The following IQANK1 variants were observed in gnomAD, a reference collection of about 807,000 sequenced individuals.
IQANK1 encodes IQ motif and ankyrin repeat containing 1.
Under a neutral mutation model 22.6 loss-of-function variants are expected in IQANK1, and 30 were observed. The ratio of observed to expected loss-of-function variants is 1.33; its 90% confidence interval spans 0.99 to 1.80. The LOEUF (loss-of-function observed/expected upper bound fraction) is 1.80, where lower values mean the gene tolerates loss of function less well. IQANK1 is among the 40% of genes most tolerant of loss of function. The pLI is 0.00. For synonymous variants in IQANK1, 122 were observed against 99.6 expected, an observed-to-expected ratio of 1.23 and a Z score of -1.34; for missense variants, 275 against 235.2, an observed-to-expected ratio of 1.17 and a Z score of -1.11.
intron 3 of IQANK1, among the ~76,000 whole-genome samples, chr8:143,749,283 A>G (rs1476495663): frequency 8.1e-6 from 1 of 123,422 alleles, no homozygotes; most frequent in Non-Finnish European, 1.6e-5. Flanking sequence ...ATAAATATAT[A>G]TAAAAATATA....
At chr8:143,788,387 C>T (rs553507987) in intron 7 of IQANK1, among the ~76,000 whole-genome samples, 327 of 152,336 alleles carry the variant, frequency 2.1e-3, no homozygotes, top group African/African-American at 7.1e-3. Context: ...GCTTTGAGCC[C>T]GGCTCTCTGC....
chr8:143,735,968 T>C lies in IQANK1; in HGVS notation c.85+30T>C, dbSNP rs985593288. ...GTGCACCCTCTGACCTCCAGAGCACTGTCACCCAGACACTGACCTGTGAGA... is the reference window on the plus strand; with the variant it reads ...GTGCACCCTCTGACCTCCAGAGCACCGTCACCCAGACACTGACCTGTGAGA... On this transcript the variant is annotated intron_variant, in intron 2 of 13. Transcript: ENST00000527139. This position sits in a 1 kb window ranked among gnomAD's most constrained non-coding sequence, Gnocchi z 5.2. 7.1e-6 allele frequency: 5 copies of C among 702,110 alleles called. No individual in the cohort carries two copies. The highest frequency in any genetic ancestry group is 5.2e-5 in the African/African-American group (3 of 57,182). The allele number at this position is 702,110 out of a possible 1,614,324, so 43.5% of individuals were successfully genotyped here. A position where few individuals can be genotyped will look rare whatever the true frequency, so the allele number is the denominator to read the frequency against.
In IQANK1 at chr8:143,774,177, C is replaced by CAAAAAA. The variant is rs61709186; in HGVS notation, c.789+1705_789+1710dup. On this transcript the variant is annotated intron_variant, in intron 7 of 13. Transcript: ENST00000527139. The surrounding 1 kb of genome is among the most constrained non-coding windows in gnomAD (Gnocchi z 4.2). ...TGGACATGACACAAAAAGCACAATC[C>CAAAAAA]AAAAAAAAAAAAAAACCACATTGAT... Among the ~76,000 whole-genome samples, 1 of 136,484 alleles carries CAAAAAA rather than the reference C, an allele frequency of 7.3e-6. No individual in the cohort carries two copies. 89.5% of individuals were successfully genotyped at this position (136,484 alleles called of 152,430 possible).
chr8:143,770,418 T>A (rs1397468566), intron 3 of IQANK1, among the ~76,000 whole-genome samples: 1 of 152,152 alleles, frequency 6.6e-6, no homozygotes, highest in Non-Finnish European at 1.5e-5. Flanking sequence ...TGACGGCGCC[T>A]CTCCCTTTAT....
In IQANK1 at chr8:143,735,879, A is replaced by G; in HGVS notation, c.26A>G (p.Lys9Arg). MDSKKGRPKAAAGKWQTLH... is the reference protein window; with the variant it reads MDSKKGRPRAAAGKWQTLH... Reference sequence around the variant, plus strand: ...ATGGACAGTAAGAAGGGGAGACCCAAAGCTGCAGCTGGGAAGTGGCAGACG... The same window carrying G: ...ATGGACAGTAAGAAGGGGAGACCCAGAGCTGCAGCTGGGAAGTGGCAGACG... The change falls in exon 2 of 14, where the codon AAA becomes AGA. Residue 9 changes from lysine to arginine, a missense_variant. Transcript: ENST00000527139. The surrounding 1 kb of genome is among the most constrained non-coding windows in gnomAD (Gnocchi z 5.2). 1 of 702,484 alleles carries G rather than the reference A, an allele frequency of 1.4e-6. No homozygotes were observed. Among genetic ancestry groups the G allele is most frequent in the Non-Finnish European group, 2.6e-6 (1 of 384,864 alleles). The allele number at this position is 702,484 out of a possible 1,614,324, so 43.5% of individuals were successfully genotyped here.
At chr8:143,770,787 C>G (rs749842309) in intron 3 of IQANK1, among the ~76,000 whole-genome samples, 2 of 152,264 alleles carry the variant, frequency 1.3e-5, no homozygotes, top group Non-Finnish European at 2.9e-5. Context: ...CACAAGCGCC[C>G]CATTGCTGGA....
chr8:143,786,238 A>G (rs1179718859), intron 7 of IQANK1, among the ~76,000 whole-genome samples: 3 of 152,180 alleles, frequency 2.0e-5, no homozygotes, highest in Non-Finnish European at 4.4e-5. Context: ...CTGAGGATTT[A>G]GGTTTTGCCA....
At chr8:143,787,729 C>T (rs1200462491) in intron 7 of IQANK1, among the ~76,000 whole-genome samples, 1 of 151,212 alleles carries the variant, frequency 6.6e-6, no homozygotes, top group African/African-American at 2.4e-5. Context: ...GTGGGAACGC[C>T]GGCGGCTCAC....
intron 10 of IQANK1, 91 bp downstream of exon 10, chr8:143,789,619 G>T (rs1321476975): frequency 1.2e-5 from 15 of 1,225,716 alleles, no homozygotes; most frequent in Non-Finnish European, 1.5e-5. Flanking sequence ...TCCCAGGCCT[G>T]GGGTTTTTCC....
At chr8:143,769,990 C>T (rs1435490699) in intron 3 of IQANK1, among the ~76,000 whole-genome samples, 3 of 152,320 alleles carry the variant, frequency 2.0e-5, no homozygotes, top group Middle Eastern at 3.4e-3. Context: ...GTGGTCCCAG[C>T]TACTCGGAGG....
intron 3 of IQANK1, among the ~76,000 whole-genome samples, chr8:143,751,778 G>A (rs1263822081): frequency 6.6e-6 from 1 of 150,504 alleles, no homozygotes; most frequent in Non-Finnish European, 1.5e-5. Flanking sequence ...ACCATCTAGT[G>A]TCCTTTCAAC....
chr8:143,748,768 A>T (rs1364192952), intron 3 of IQANK1, among the ~76,000 whole-genome samples: 2 of 114,168 alleles, frequency 1.8e-5, no homozygotes, highest in Non-Finnish European at 3.2e-5. Context: ...AATATATATA[A>T]TATATAAATA....
In IQANK1 at chr8:143,752,977, G is replaced by A. The variant is rs1255647014; in HGVS notation, c.175+13029G>A. ...TTGGCCCGTTTGATGGTGTCCCACA[G>A]GTCCCTTACTCTCTGTTCGTTTTTT... On this transcript the variant is annotated intron_variant, in intron 3 of 13. Coordinates refer to ENST00000527139, the MANE Select transcript of IQANK1 (RefSeq NM_001381874.1). Among the ~76,000 whole-genome samples, 5 of 147,854 alleles carry A rather than the reference G, an allele frequency of 3.4e-5. No homozygotes were observed. The Admixed American group carries it at 3.4e-4, about 10-fold the overall frequency.
At chr8:143,765,447 C>T (rs1472141016) in intron 3 of IQANK1, among the ~76,000 whole-genome samples, 1 of 152,096 alleles carries the variant, frequency 6.6e-6, no homozygotes, top group Non-Finnish European at 1.5e-5. Context: ...TGCAAAATTA[C>T]TGGATATAAA....
At chr8:143,776,322 C>A (rs1271802108) in intron 7 of IQANK1, among the ~76,000 whole-genome samples, 4 of 78,202 alleles carry the variant, frequency 5.1e-5, no homozygotes, top group Non-Finnish European at 9.6e-5. Flanking sequence ...AGCGAGACTC[C>A]GTCTCAAAAA....
At chr8:143,746,847 C>T (rs1819041759) in intron 3 of IQANK1, among the ~76,000 whole-genome samples, 1 of 151,992 alleles carries the variant, frequency 6.6e-6, no homozygotes. Context: ...GTTCAGAGTA[C>T]TCTCTTATGA....
rs552682781 is a variant in IQANK1, at chr8:143,770,612, C to A, written c.176-876C>A. The stretch of plus-strand genomic sequence containing the variant: ...TCATAGTACTTGGCTCCCCAGCGGG[C>A]GCACCTGTGGAGACCCAGCTGCGCT... On this transcript the variant is annotated intron_variant, in intron 3 of 13. Coordinates refer to ENST00000527139, the MANE Select transcript of IQANK1 (RefSeq NM_001381874.1). Among the ~76,000 whole-genome samples, 13 of 152,360 alleles carry A rather than the reference C, an allele frequency of 8.5e-5. 1 individual carries two copies. The highest frequency in any genetic ancestry group is 7.8e-4 in the Admixed American group (12 of 15,310).
At chr8:143,778,752 C>CT in intron 7 of IQANK1, among the ~76,000 whole-genome samples, 1 of 151,952 alleles carries the variant, frequency 6.6e-6, no homozygotes, top group South Asian at 2.1e-4. Context: ...TCATAATTAT[C>CT]TTATTAACTT....
Position 143,758,853 on chromosome 8 carries a change from G to T in IQANK1, c.176-12635G>T, listed in dbSNP as rs1191572505. ...GAGGCCAAAGATGACAACACGAGAG[G>T]TGGTCAAAGCCAAGGTTTCCCTGCG... On this transcript the variant is annotated intron_variant, in intron 3 of 13. Coordinates refer to ENST00000527139, the MANE Select transcript of IQANK1 (RefSeq NM_001381874.1). The surrounding 1 kb of genome is among the most constrained non-coding windows in gnomAD (Gnocchi z 4.2). 1 of 156,608 alleles carries T rather than the reference G, an allele frequency of 6.4e-6. No homozygotes were observed. The highest frequency in any genetic ancestry group is 2.4e-5 in the African/African-American group (1 of 41,482). The allele number at this position is 156,608 out of a possible 1,614,324, so 9.7% of individuals were successfully genotyped here. A position where few individuals can be genotyped will look rare whatever the true frequency, so the allele number is the denominator to read the frequency against.
Sources: allele counts gnomAD v4.1 joint callset (sites outside exome capture counted in the v4.1 genomes callset), GRCh38; gene constraint gnomAD v4.1.1; non-coding constraint Gnocchi (gnomAD v3.1); transcripts MANE v1.5; gene names NCBI Gene and HGNC (gene_info 2026-07-23, HGNC 2026-07-21).